Variants in OLFML3 observed in about 807,000 individuals in gnomAD.
OLFML3 encodes the protein olfactomedin like 3.
A neutral mutation model predicts 36.0 loss-of-function variants in OLFML3; 26 were observed. That is an observed-to-expected ratio of 0.72 (90% CI 0.53 to 1.00). The LOEUF is 1.00. OLFML3 is among the 50% of genes least tolerant of loss of function. The pLI is 0.00. For missense variants in OLFML3, 503 were observed against 519.4 expected (o/e 0.97, Z 0.31); for synonymous variants, 184 against 201.2 (o/e 0.91, Z 0.72).
rs367869801 is a variant in OLFML3, at chr1:113,980,490, G to C, written c.273G>C (p.Glu91Asp). 6.2e-7 allele frequency: 1 copy of C among 1,614,198 alleles called. No individual in the cohort carries two copies. The highest frequency in any genetic ancestry group is 1.1e-5 in the South Asian group (1 of 91,086). The change falls in exon 2 of 3, where the codon GAG (glutamate) becomes GAC (aspartate). Residue 91 changes from glutamate to aspartate, a missense_variant. Transcript: ENST00000320334. ...TCTCCGGGAGAGTGGATCGTCTGGA[G>C]CGGGAGGTAGACTATCTGGAGACCC... ...DTISGRVDRL[E>D]REVDYLETQN...
chr1:113,979,772 G>A (rs1288437810), intron 1 of OLFML3, 142 bp downstream of exon 1: 27 of 821,370 alleles, frequency 3.3e-5, no homozygotes, highest in South Asian at 1.4e-4. Context: ...GAGGACCTTC[G>A]GAATGACAAG....
chr1:113,980,801 G>A, intron 2 of OLFML3, 148 bp from the exon 3 acceptor site: 1 of 994,740 alleles, frequency 1.0e-6, no homozygotes, highest in Non-Finnish European at 1.4e-6. Flanking sequence ...GGCCGCTGTG[G>A]TACCCGCTCT....
chr1:113,979,662 T>C, intron 1 of OLFML3, 32 bp downstream of exon 1: 1 of 1,474,964 alleles, frequency 6.8e-7, no homozygotes, highest in Non-Finnish European at 9.5e-7. Context: ...TAGCCCCGCC[T>C]AGAAGGATTC....
chr1:113,981,374 C>A lies in OLFML3; in HGVS notation c.826C>A (p.Leu276Met). Residue 276 changes from leucine (L) to methionine (M), a missense_variant, in exon 3 of 3, where the codon CTG becomes ATG. By Grantham distance (15) the Leu-to-Met change is conservative. Coordinates refer to ENST00000320334, the MANE Select transcript of OLFML3 (RefSeq NM_020190.5). ...CTTGACAGCAGACACCTACATCGAC[C>A]TGGCAGCTGATGAGGAAGGTCTTTG... is the stretch of plus-strand genomic sequence containing the variant. Reference protein sequence around the residue: ...YGLTADTYIDLAADEEGLWAV... With the variant: ...YGLTADTYIDMAADEEGLWAV... 1.2e-6 allele frequency: 2 copies of A among 1,609,592 alleles called. No homozygotes were observed. Among genetic ancestry groups the A allele is most frequent in the Admixed American group, 1.7e-5 (1 of 59,756 alleles).
chr1:113,981,438 G>A lies in OLFML3; in HGVS notation c.890G>A (p.Cys297Tyr), dbSNP rs772902202. 1.9e-6 allele frequency: 3 copies of A among 1,613,248 alleles called. No individual in the cohort carries two copies. Among genetic ancestry groups the A allele is most frequent in the East Asian group, 2.2e-5 (1 of 44,868 alleles). ...ACCCGGGAGGATGACAGGCACTTGT[G>A]TCTGGCCAAGTTAGATCCACAGACA... is the stretch of plus-strand genomic sequence containing the variant. Reference protein sequence around the residue: ...YATREDDRHLCLAKLDPQTLD... With the variant: ...YATREDDRHLYLAKLDPQTLD... Residue 297 changes from cysteine (C) to tyrosine (Y), a missense_variant, in exon 3 of 3, where the codon TGT becomes TAT. Coordinates refer to ENST00000320334, the MANE Select transcript of OLFML3 (RefSeq NM_020190.5).
intron 1 of OLFML3, 126 bp downstream of exon 1, chr1:113,979,756 T>C: frequency 4.8e-6 from 4 of 837,810 alleles, no homozygotes; most frequent in Non-Finnish European, 7.5e-6. Flanking sequence ...AATTCTCTCT[T>C]AATAAGAGGA....
chr1:113,982,030 C>A lies in OLFML3; in HGVS notation c.*261C>A. ...CTGCCCCATGTCAACAAATTTCAGG[C>A]TAAGGATGCCCCAGACCCAGGGCTC... On this transcript the variant is annotated 3_prime_UTR_variant, in exon 3 of 3. Transcript: ENST00000320334. 2.1e-6 allele frequency: 1 copy of A among 476,988 alleles called. No homozygotes were observed. 29.5% of individuals were successfully genotyped at this position (476,988 alleles called of 1,614,324 possible). A position where few individuals can be genotyped will look rare whatever the true frequency, so the allele number is the denominator to read the frequency against.
In OLFML3 at chr1:113,981,084, C is replaced by T. The variant is rs1218644746; in HGVS notation, c.536C>T (p.Thr179Ile). The T allele has an allele frequency of 6.2e-7, 1 of 1,612,746 alleles. No homozygotes were observed. Among genetic ancestry groups the T allele is most frequent in the Non-Finnish European group, 8.5e-7 (1 of 1,179,290 alleles). ...IYVLDGTQND[T>I]AFVFPRLRDF... ...GTGTTAGATGGGACACAGAATGACACAGCCTTTGTCTTCCCAAGGCTGCGT... is the reference window on the plus strand; with the variant it reads ...GTGTTAGATGGGACACAGAATGACATAGCCTTTGTCTTCCCAAGGCTGCGT... Residue 179 changes from threonine (T) to isoleucine (I), a missense_variant, in exon 3 of 3, where the codon ACA (threonine) becomes ATA (isoleucine). Thr to Ile is a moderately conservative substitution (Grantham distance 89, BLOSUM62 -1). Coordinates refer to ENST00000320334, the MANE Select transcript of OLFML3 (RefSeq NM_020190.5).
At chr1:113,980,240 C>T (rs1673360225) in intron 1 of OLFML3, 92 bp from the exon 2 acceptor site, 2 of 1,523,956 alleles carry the variant, frequency 1.3e-6, no homozygotes, top group African/African-American at 1.4e-5. Flanking sequence ...TGAGTTTGCT[C>T]TTTTTTTCCC....
chr1:113,981,453 A>T lies in OLFML3; in HGVS notation c.905A>T (p.Asp302Val). 1.9e-6 allele frequency: 3 copies of T among 1,613,580 alleles called. No individual in the cohort carries two copies. Among genetic ancestry groups the T allele is most frequent in the Non-Finnish European group, 2.5e-6 (3 of 1,179,818 alleles). ...AGGCACTTGTGTCTGGCCAAGTTAG[A>T]TCCACAGACACTGGACACAGAGCAG... ...DDRHLCLAKL[D>V]PQTLDTEQQW... Residue 302 changes from aspartate to valine, a missense_variant, in exon 3 of 3, where the codon GAT becomes GTT. Transcript: ENST00000320334.
At position 113,980,365 on chromosome 1, in the gene OLFML3, C is replaced by G; in HGVS notation, c.148C>G (p.Arg50Gly). 6.3e-7 allele frequency: 1 copy of G among 1,581,226 alleles called. No individual in the cohort carries two copies. Among genetic ancestry groups the G allele is most frequent in the Non-Finnish European group, 8.6e-7 (1 of 1,163,452 alleles). Residue 50 changes from arginine (R) to glycine (G), a missense_variant, in exon 2 of 3, where the codon CGG becomes GGG. By Grantham distance (125) the Arg-to-Gly change is moderately radical. Coordinates refer to ENST00000320334, the MANE Select transcript of OLFML3 (RefSeq NM_020190.5). ...GGCCCAGTGCCAGGACCAGAGTAGT[C>G]GGCATGCTGCTGAGCTGCGGGACTT... ...RLAQCQDQSS[R>G]HAAELRDFKN...
At chr1:113,979,753 T>C (rs2101554066) in intron 1 of OLFML3, 123 bp downstream of exon 1, 2 of 851,224 alleles carry the variant, frequency 2.3e-6, no homozygotes, top group East Asian at 5.3e-5. Context: ...GAAAATTCTC[T>C]CTTAATAAGA....
In OLFML3 at chr1:113,981,573, G is replaced by A. The variant is rs1347191939; in HGVS notation, c.1025G>A (p.Arg342Gln). ...YVVYNTRPAS[R>Q]ARIQCSFDAS... Reference sequence around the variant, plus strand: ...GTCTATAACACCCGTCCTGCCAGTCGGGCCCGCATCCAGTGCTCCTTTGAT... The same window carrying A: ...GTCTATAACACCCGTCCTGCCAGTCAGGCCCGCATCCAGTGCTCCTTTGAT... The change falls in exon 3 of 3, where the codon CGG becomes CAG. Residue 342 changes from arginine to glutamine, a missense_variant. Coordinates refer to ENST00000320334, the MANE Select transcript of OLFML3 (RefSeq NM_020190.5). The A allele has an allele frequency of 4.3e-6, 7 of 1,613,660 alleles. No individual in the cohort carries two copies. The South Asian group carries it at 4.4e-5, about 10-fold the overall frequency.
rs113029832 is a variant in OLFML3, at chr1:113,980,618, G to C, written c.400+1G>C. ...AATGAGAAGTACGATATGGTGACAG[G>C]TAAATAATCTGAAAGCAGGCCCCTA... On this transcript the variant is annotated splice_donor_variant, in intron 2 of 2. Coordinates refer to ENST00000320334, the MANE Select transcript of OLFML3 (RefSeq NM_020190.5). LOFTEE classifies it high-confidence loss of function. 1 of 1,569,898 alleles carries C rather than the reference G, an allele frequency of 6.4e-7. No individual in the cohort carries two copies. Among genetic ancestry groups the C allele is most frequent in the Non-Finnish European group, 8.6e-7 (1 of 1,158,944 alleles).
Position 113,981,946 on chromosome 1 carries a change from C to A in OLFML3, c.*177C>A. The A allele has an allele frequency of 1.6e-6, 1 of 627,866 alleles. No individual in the cohort carries two copies. The highest frequency in any genetic ancestry group is 2.8e-6 in the Non-Finnish European group (1 of 362,598). 38.9% of individuals were successfully genotyped at this position (627,866 alleles called of 1,614,324 possible). A position where few individuals can be genotyped will look rare whatever the true frequency, so the allele number is the denominator to read the frequency against. On this transcript the variant is annotated 3_prime_UTR_variant, in exon 3 of 3. Transcript: ENST00000320334. Reference sequence around the variant, plus strand: ...CTTTGTTTCATACGGAACTCCAGATCCTGAGTAATCCTTTTAGAGCCCGAA... The same window carrying A: ...CTTTGTTTCATACGGAACTCCAGATACTGAGTAATCCTTTTAGAGCCCGAA...
rs1006977701 is a variant in OLFML3, at chr1:113,979,558, A to G, written c.42A>G (p.Ser14=). The change falls in exon 1 of 3, where the codon TCA becomes TCG. Residue 14 remains serine (S), a synonymous_variant. Transcript: ENST00000320334. ...CTCTCCTCATCTTGTTCCTTTTGTC[A>G]TGGTCGGGACCCCTCCAAGGACAGC... ...STPLLILFLL[S]WSGPLQGQQH... The G allele has an allele frequency of 6.2e-7, 1 of 1,613,962 alleles. No homozygotes were observed.
rs1355501007 is a variant in OLFML3 at position 113,981,583 on chromosome 1, C to T, written c.1035C>T (p.Ile345=). ...YNTRPASRAR[I]QCSFDASGTL... is the part of the protein sequence containing the mutation. ...CCCGTCCTGCCAGTCGGGCCCGCATCCAGTGCTCCTTTGATGCCAGCGGCA... is the reference window on the plus strand; with the variant it reads ...CCCGTCCTGCCAGTCGGGCCCGCATTCAGTGCTCCTTTGATGCCAGCGGCA... Residue 345 remains isoleucine, a synonymous_variant, in exon 3 of 3, where the codon ATC becomes ATT. Transcript: ENST00000320334. The T allele has an allele frequency of 3.7e-6, 6 of 1,614,106 alleles. No individual in the cohort carries two copies. Among genetic ancestry groups the T allele is most frequent in the Non-Finnish European group, 5.1e-6 (6 of 1,180,012 alleles).
In OLFML3 at chr1:113,980,457, C is replaced by G. The variant is rs752973003; in HGVS notation, c.240C>G (p.Ala80=). The stretch of plus-strand genomic sequence containing the variant: ...AGCGGGAGGCACTCAGAACTGAGGC[C>G]GACACCATCTCCGGGAGAGTGGATC... ...EKEREALRTE[A]DTISGRVDRL... The change falls in exon 2 of 3, where the codon GCC becomes GCG. Residue 80 remains alanine, a synonymous_variant. Transcript: ENST00000320334. 2.5e-6 allele frequency: 4 copies of G among 1,613,926 alleles called. No homozygotes were observed. The South Asian group carries it at 4.4e-5, about 18-fold the overall frequency.
chr1:113,980,396 A>ACAAGATGC lies in OLFML3; in HGVS notation c.180_187dup (p.Leu63ProfsTer35). On this transcript the variant is annotated frameshift_variant, in exon 2 of 3. Coordinates refer to ENST00000320334, the MANE Select transcript of OLFML3 (RefSeq NM_020190.5). LOFTEE classifies it high-confidence loss of function. Reference sequence around the variant, plus strand: ...GCTGCTGAGCTGCGGGACTTCAAGAACAAGATGCTGCCACTGCTGGAGGTG... The same window carrying ACAAGATGC: ...GCTGCTGAGCTGCGGGACTTCAAGAACAAGATGCCAAGATGCTGCCACTGCTGGAGGTG... The ACAAGATGC allele has an allele frequency of 6.2e-7, 1 of 1,607,542 alleles. No homozygotes were observed. Among genetic ancestry groups the ACAAGATGC allele is most frequent in the Non-Finnish European group, 8.5e-7 (1 of 1,176,642 alleles).
Sources: allele counts gnomAD v4.1 joint callset, GRCh38; gene constraint gnomAD v4.1.1; transcripts MANE v1.5; gene names NCBI Gene and HGNC (gene_info 2026-07-23, HGNC 2026-07-21).